The following ANKRD44 variants were observed in gnomAD, a reference collection of about 807,000 sequenced individuals.
ANKRD44 encodes the protein ankyrin repeat domain 44.
A neutral mutation model predicts 116.0 loss-of-function variants in ANKRD44; 35 were observed. The observed-to-expected ratio is 0.30, with a 90% confidence interval of 0.23 to 0.40. The LOEUF (loss-of-function observed/expected upper bound fraction) is 0.40, where lower values mean the gene tolerates loss of function less well. ANKRD44 is among the 10% of genes least tolerant of loss of function. The pLI is 1.00. For synonymous variants in ANKRD44, 435 were observed against 461.8 expected, an observed-to-expected ratio of 0.94 and a Z score of 0.74; for missense variants, 1,014 against 1,242.6, an observed-to-expected ratio of 0.82 and a Z score of 2.77.
At chr2:197,291,638 T>C (rs1044129020) in intron 1 of ANKRD44, among the ~76,000 whole-genome samples, 1 of 152,200 alleles carries the variant, frequency 6.6e-6, no homozygotes, top group Non-Finnish European at 1.5e-5. Context: ...AAAGGAACAA[T>C]GTAAAATTTC....
intron 1 of ANKRD44, among the ~76,000 whole-genome samples, chr2:197,213,186 C>G (rs568298642): frequency 6.6e-6 from 1 of 152,260 alleles, no homozygotes; most frequent in South Asian, 2.1e-4. Flanking sequence ...GAGCTATGAC[C>G]CCTCTAACAC....
chr2:197,047,809 C>T (rs1256872812), intron 16 of ANKRD44, among the ~76,000 whole-genome samples: 2 of 151,890 alleles, frequency 1.3e-5, no homozygotes, highest in Non-Finnish European at 2.9e-5. Context: ...ACTCAGGAGG[C>T]TGAGGCAGGA....
chr2:197,132,189 C>A (rs1427573446), intron 4 of ANKRD44, among the ~76,000 whole-genome samples: 1 of 152,168 alleles, frequency 6.6e-6, no homozygotes, highest in African/African-American at 2.4e-5. Context: ...CTGTTTCCAA[C>A]CTGGGAATCC....
At chr2:197,139,624 T>TATATAG (rs974708012) in intron 3 of ANKRD44, among the ~76,000 whole-genome samples, 5 of 151,858 alleles carry the variant, frequency 3.3e-5, no homozygotes, top group African/African-American at 7.3e-5. Flanking sequence ...TCCTTAAAAA[T>TATATAG]ATATAGATAT....
chr2:197,309,998 C>T (rs1351594700), intron 1 of ANKRD44, among the ~76,000 whole-genome samples: 1 of 152,204 alleles, frequency 6.6e-6, no homozygotes. Flanking sequence ...GAGGGACCGG[C>T]CCGATCCGAA....
intron 1 of ANKRD44, among the ~76,000 whole-genome samples, chr2:197,287,456 T>G (rs1207678439): frequency 6.6e-6 from 1 of 152,064 alleles, no homozygotes; most frequent in Non-Finnish European, 1.5e-5. Flanking sequence ...AGGACGTGTG[T>G]TTCTGTTTGT....
rs2081343874 is a variant in ANKRD44, at chr2:197,212,226, A to C, written c.28-25120T>G. 6.6e-6 allele frequency among the ~76,000 whole-genome samples: 1 copy of C among 152,192 alleles called. No individual in the cohort carries two copies. Among genetic ancestry groups the C allele is most frequent in the African/African-American group, 2.4e-5 (1 of 41,442 alleles). On this transcript the variant is annotated intron_variant, in intron 1 of 27. Coordinates refer to ENST00000282272, the MANE Select transcript of ANKRD44 (RefSeq NM_001195144.2). This position sits in a 1 kb window ranked among gnomAD's most constrained non-coding sequence, Gnocchi z 4.8. Reference sequence around the variant, plus strand: ...TTTGCAACCAGGCAGATAGGGATCCAGTGGGAGCACACTGGCACCAAACAC... The same window carrying C: ...TTTGCAACCAGGCAGATAGGGATCCCGTGGGAGCACACTGGCACCAAACAC...
At chr2:197,028,731 C>T (rs1361214625) in intron 16 of ANKRD44, 1 of 175,780 alleles carries the variant, frequency 5.7e-6, no homozygotes, top group African/African-American at 2.4e-5. Context: ...GGATTATTTT[C>T]CTCTGTGGTA....
chr2:197,119,538 C>T (rs1014286298), intron 8 of ANKRD44, among the ~76,000 whole-genome samples: 1 of 152,198 alleles, frequency 6.6e-6, no homozygotes, highest in African/African-American at 2.4e-5. Flanking sequence ...CGAGCCACCA[C>T]ACTTGGCATG....
In ANKRD44 at chr2:197,099,930, C is replaced by T; in HGVS notation, c.986G>A (p.Gly329Glu). ...CTTATCCACACAGTCAATTTCACCT[C>T]CTGAAAGAGATATTTTAATACAGGA... ...FTRSQTLIQN[G>E]GEIDCVDKDG... is the part of the protein sequence containing the mutation. Residue 329 changes from glycine (G) to glutamate (E), a missense_variant and splice_region_variant, in exon 10 of 28, where the codon GGA becomes GAA. By Grantham distance (98) the Gly-to-Glu change is moderately conservative. Coordinates refer to ENST00000282272, the MANE Select transcript of ANKRD44 (RefSeq NM_001195144.2). 1.2e-6 allele frequency: 2 copies of T among 1,613,786 alleles called. No individual in the cohort carries two copies. Among genetic ancestry groups the T allele is most frequent in the Non-Finnish European group, 1.7e-6 (2 of 1,179,732 alleles).
At chr2:196,994,427 C>G (rs570014407) in intron 26 of ANKRD44, 1 of 152,324 alleles carries the variant, frequency 6.6e-6, no homozygotes, top group South Asian at 2.1e-4. Context: ...CTCAAGTGAT[C>G]TACTTGCCTC....
At chr2:197,293,969 T>C (rs181575941) in intron 1 of ANKRD44, among the ~76,000 whole-genome samples, 2 of 152,266 alleles carry the variant, frequency 1.3e-5, no homozygotes, top group East Asian at 1.9e-4. Flanking sequence ...ATAAGTGCTG[T>C]TTAAGAACAG....
At chr2:197,030,236 A>G (rs983651420) in intron 16 of ANKRD44, 2 of 152,382 alleles carry the variant, frequency 1.3e-5, no homozygotes, top group African/African-American at 4.8e-5. Context: ...CTTTGTTCAC[A>G]CCAACTTGTA....
At position 196,989,470 on chromosome 2, in the gene ANKRD44, T is replaced by G; in HGVS notation, c.*121A>C. The G allele has an allele frequency of 1.5e-6, 2 of 1,310,956 alleles. No homozygotes were observed. Among genetic ancestry groups the G allele is most frequent in the Non-Finnish European group, 1.9e-6 (2 of 1,026,390 alleles). 81.2% of individuals were successfully genotyped at this position (1,310,956 alleles called of 1,614,324 possible). On this transcript the variant is annotated 3_prime_UTR_variant, in exon 28 of 28. Transcript: ENST00000282272. Reference sequence around the variant, plus strand: ...AAAATGTGTATCTTCCATTTTAGACTGAAGCATTTTGGTCCTCATGTGTAG... The same window carrying G: ...AAAATGTGTATCTTCCATTTTAGACGGAAGCATTTTGGTCCTCATGTGTAG...
chr2:196,976,670 A>C (rs956215739), intron 21 of ANKRD44, among the ~76,000 whole-genome samples: 2 of 152,124 alleles, frequency 1.3e-5, no homozygotes, highest in Non-Finnish European at 2.9e-5. Context: ...AGTTAAGATC[A>C]GCCTGCACAA....
In ANKRD44 at chr2:197,132,696, C is replaced by T. The variant is rs189078492; in HGVS notation, c.261+3896G>A. On this transcript the variant is annotated intron_variant, in intron 4 of 27. Transcript: ENST00000282272. ...CCCTGCATGCATAAAAGATTATTAC[C>T]ATCAACATTCTGATATGGTGTATAC... Among the ~76,000 whole-genome samples, 120 of 152,190 alleles carry T rather than the reference C, an allele frequency of 7.9e-4. 1 individual carries two copies. The highest frequency in any genetic ancestry group is 2.8e-3 in the African/African-American group (118 of 41,520).
At chr2:197,100,790 C>A (rs574320488) in intron 9 of ANKRD44, among the ~76,000 whole-genome samples, 94 of 152,248 alleles carry the variant, frequency 6.2e-4, no homozygotes, top group African/African-American at 2.2e-3. Context: ...TGACAATAAT[C>A]ATCCATACTT....
At chr2:197,085,578 C>T (rs1379513060) in intron 13 of ANKRD44, among the ~76,000 whole-genome samples, 1 of 152,134 alleles carries the variant, frequency 6.6e-6, no homozygotes, top group African/African-American at 2.4e-5. Flanking sequence ...ACAGGAATGA[C>T]CTCTGGTCAT....
intron 1 of ANKRD44, among the ~76,000 whole-genome samples, chr2:197,236,072 T>A (rs1405249518): frequency 1.3e-5 from 2 of 152,116 alleles, no homozygotes; most frequent in Non-Finnish European, 2.9e-5. Context: ...CTCCAAGAGA[T>A]GAAAACCGGA....
Sources: gnomAD v4.1 joint callset for allele counts (sites outside exome capture counted in the v4.1 genomes callset) on GRCh38, gnomAD v4.1.1 for gene constraint, Gnocchi (gnomAD v3.1) non-coding constraint, MANE v1.5 for transcripts, NCBI Gene and HGNC (gene_info 2026-07-23, HGNC 2026-07-21) for gene names.